The following FBLIM1 variants were observed in gnomAD, a reference collection of about 807,000 sequenced individuals.
FBLIM1 encodes filamin-binding LIM protein 1.
Under a neutral mutation model 37.4 loss-of-function variants are expected in FBLIM1, and 29 were observed. That is an observed-to-expected ratio of 0.77 (90% CI 0.58 to 1.06). FBLIM1 has a LOEUF of 1.06. Ranked by LOEUF, FBLIM1 falls within the 50% of genes least tolerant of loss-of-function variation. FBLIM1 has a pLI of 0.00. For missense variants in FBLIM1, 449 were observed against 505.6 expected, an observed-to-expected ratio of 0.89 and a Z score of 1.07; for synonymous variants, 193 against 199.0, an observed-to-expected ratio of 0.97 and a Z score of 0.25.
chr1:15,775,173 T>C, intron 7 of FBLIM1: 1 of 238,912 alleles, frequency 4.2e-6, no homozygotes, highest in Non-Finnish European at 7.5e-6. Context: ...TGAGCCGAGA[T>C]CACGCCACTG....
rs1400066357 is a variant in FBLIM1, at chr1:15,765,873, A to C, written c.250+640A>C. On this transcript the variant is annotated intron_variant, in intron 3 of 8. Transcript: ENST00000375766. The surrounding 1 kb of genome is among the most constrained non-coding windows in gnomAD (Gnocchi z 5.9). ...GCCCATCATAGCCTATGGGCCCTGC[A>C]CCGGGAGGCAGGCACTGGGAGAGGC... 6.6e-6 allele frequency among the ~76,000 whole-genome samples: 1 copy of C among 151,990 alleles called. No homozygotes were observed. The highest frequency in any genetic ancestry group is 2.1e-4 in the South Asian group (1 of 4,814).
chr1:15,784,342 C>T (rs542470094), intron 8 of FBLIM1, among the ~76,000 whole-genome samples: 2 of 152,192 alleles, frequency 1.3e-5, no homozygotes, highest in Admixed American at 6.5e-5. Flanking sequence ...TGGATTAAAG[C>T]CTCCATGTGT....
At chr1:15,771,778 G>A (rs1025415774) in intron 6 of FBLIM1, among the ~76,000 whole-genome samples, 1 of 151,824 alleles carries the variant, frequency 6.6e-6, no homozygotes, top group African/African-American at 2.4e-5. Flanking sequence ...TCGGGGTCCA[G>A]AGATAAGGAC....
intron 1 of FBLIM1, among the ~76,000 whole-genome samples, chr1:15,760,982 C>G (rs899745188): frequency 7.9e-5 from 12 of 152,166 alleles, no homozygotes; most frequent in African/African-American, 2.9e-4. Flanking sequence ...CAGCTTAGAC[C>G]CCCTGGGGCC....
At position 15,784,717 on chromosome 1, in the gene FBLIM1, C is replaced by A; in HGVS notation, c.*56C>A. 1.3e-6 allele frequency: 2 copies of A among 1,489,268 alleles called. No homozygotes were observed. Among genetic ancestry groups the A allele is most frequent in the African/African-American group, 1.4e-5 (1 of 72,550 alleles). The allele number at this position is 1,489,268 out of a possible 1,614,324, so 92.3% of individuals were successfully genotyped here. The stretch of plus-strand genomic sequence containing the variant: ...AGCCCCGGCTGGGGCCCTTCCCTGA[C>A]TTGGTTTCCCTTCCTAACCTGCTCT... On this transcript the variant is annotated 3_prime_UTR_variant, in exon 9 of 9. Transcript: ENST00000375766.
chr1:15,776,974 G>A (rs1020038678), intron 7 of FBLIM1, 196 bp from the exon 8 acceptor site: 21 of 537,718 alleles, frequency 3.9e-5, no homozygotes, highest in Admixed American at 8.4e-5. Context: ...CTCCAGTGAC[G>A]CTGGGAAACC....
At chr1:15,766,103 A>G (rs917878055) in intron 3 of FBLIM1, among the ~76,000 whole-genome samples, 2 of 146,518 alleles carry the variant, frequency 1.4e-5, no homozygotes, top group African/African-American at 5.0e-5. Context: ...GAGAATTTGC[A>G]TTTTTTTTTT....
chr1:15,776,894 G>GA (rs1361849328), intron 7 of FBLIM1: 926 of 241,050 alleles, frequency 3.8e-3, no homozygotes, highest in Middle Eastern at 6.5e-3. Flanking sequence ...AAGAAGTACT[G>GA]AAAAAAAAAC....
At chr1:15,761,488 A>T (rs935242868) in intron 1 of FBLIM1, among the ~76,000 whole-genome samples, 10 of 152,172 alleles carry the variant, frequency 6.6e-5, no homozygotes, top group African/African-American at 2.4e-4. Flanking sequence ...GGCACGAAAC[A>T]AGTGCCTTAT....
intron 8 of FBLIM1, among the ~76,000 whole-genome samples, chr1:15,779,392 C>T (rs1400501153): frequency 6.6e-6 from 1 of 152,114 alleles, no homozygotes; most frequent in Non-Finnish European, 1.5e-5. Flanking sequence ...GCAACCTCCA[C>T]CTCCTGGGTT....
intron 7 of FBLIM1, 36 bp from the exon 8 acceptor site, chr1:15,777,134 T>A: frequency 2.0e-6 from 3 of 1,537,568 alleles, no homozygotes; most frequent in Non-Finnish European, 2.7e-6. Context: ...GGTTGTGGCA[T>A]GAACGCCTCC....
At position 15,777,105 on chromosome 1, in the gene FBLIM1, A is replaced by G. The variant is rs1569861150; in HGVS notation, c.891-65A>G. ...TGAACACCAGCCAGCCCGAGTTCTGACAGCTAATTAATTTCTGTGGTTGTG... is the reference window on the plus strand; with the variant it reads ...TGAACACCAGCCAGCCCGAGTTCTGGCAGCTAATTAATTTCTGTGGTTGTG... On this transcript the variant is annotated intron_variant, in intron 7 of 8. Coordinates refer to ENST00000375766, the MANE Select transcript of FBLIM1 (RefSeq NM_017556.4). 14 of 1,337,046 alleles carry G rather than the reference A, an allele frequency of 1.0e-5. No individual in the cohort carries two copies. The East Asian group carries it at 3.3e-4, about 31-fold the overall frequency. 82.8% of individuals were successfully genotyped at this position (1,337,046 alleles called of 1,614,324 possible).
At chr1:15,763,127 G>A (rs1192243156) in intron 1 of FBLIM1, among the ~76,000 whole-genome samples, 1 of 151,342 alleles carries the variant, frequency 6.6e-6, no homozygotes, top group Non-Finnish European at 1.5e-5. Flanking sequence ...AGAGTGCAAT[G>A]GTGCCATCTC....
chr1:15,763,055 G>C (rs1159153498), intron 1 of FBLIM1, among the ~76,000 whole-genome samples: 1 of 151,482 alleles, frequency 6.6e-6, no homozygotes, highest in Non-Finnish European at 1.5e-5. Context: ...TGAGGTGGTG[G>C]AGAGCCATAC....
chr1:15,767,982 C>T (rs1280322524), intron 4 of FBLIM1, among the ~76,000 whole-genome samples: 4 of 152,168 alleles, frequency 2.6e-5, no homozygotes, highest in Admixed American at 2.6e-4. Flanking sequence ...CTCCCAGGTT[C>T]AAGCGATTCT....
At chr1:15,783,947 G>A (rs573214873) in intron 8 of FBLIM1, among the ~76,000 whole-genome samples, 15 of 152,298 alleles carry the variant, frequency 9.8e-5, no homozygotes, top group Non-Finnish European at 1.9e-4. Flanking sequence ...ATCCCAGCAT[G>A]GGAAGCCAAG....
chr1:15,757,445 A>G (rs1477745051), upstream of FBLIM1, among the ~76,000 whole-genome samples: 5 of 152,132 alleles, frequency 3.3e-5, no homozygotes, highest in Non-Finnish European at 5.9e-5. The surrounding 1 kb of genome is among the most constrained non-coding windows in gnomAD (Gnocchi z 4.1). Context: ...AGCACCTAGA[A>G]AGCCCCTATC....
intron 8 of FBLIM1, among the ~76,000 whole-genome samples, chr1:15,784,225 C>G (rs962831965): frequency 6.6e-6 from 1 of 152,234 alleles, no homozygotes; most frequent in South Asian, 2.1e-4. Flanking sequence ...AATAAAGGAG[C>G]TATTAAGACT....
chr1:15,770,852 G>A lies in FBLIM1; in HGVS notation c.711+274G>A, dbSNP rs140700635. Among the ~76,000 whole-genome samples, 563 of 152,292 alleles carry A rather than the reference G, an allele frequency of 3.7e-3. 3 individuals are homozygous for A. Among genetic ancestry groups the A allele is most frequent in the African/African-American group, 0.011 (471 of 41,570 alleles). On this transcript the variant is annotated intron_variant, in intron 6 of 8. Coordinates refer to ENST00000375766, the MANE Select transcript of FBLIM1 (RefSeq NM_017556.4). ...CAAAAGTCCAAAATCAGCTTCACTG[G>A]GCCAAAACCAAGGTGGTGTGCTGTC...
Sources: allele counts gnomAD v4.1 joint callset (sites outside exome capture counted in the v4.1 genomes callset), GRCh38; gene constraint gnomAD v4.1.1; non-coding constraint Gnocchi (gnomAD v3.1); transcripts MANE v1.5; gene names NCBI Gene and HGNC (gene_info 2026-07-23, HGNC 2026-07-21).